SHANK2: variants seen among roughly 807,000 people sequenced by gnomAD.
SHANK2 encodes SH3 and multiple ankyrin repeat domains protein 2.
Under a neutral mutation model 133.7 loss-of-function variants are expected in SHANK2, and 43 were observed. The observed-to-expected ratio is 0.32, with a 90% CI of 0.25 to 0.41. SHANK2 has a LOEUF of 0.41. Ranked by LOEUF, SHANK2 falls within the 10% of genes least tolerant of loss-of-function variation. The pLI is 1.00. For missense variants in SHANK2, 1,994 were observed against 2,235.8 expected (o/e 0.89, Z 2.18); for synonymous variants, 1,017 against 952.8 (o/e 1.07, Z -1.24).
At position 70,507,414 on chromosome 11, in the gene SHANK2, A is replaced by AT. The variant is rs1445167437; in HGVS notation, c.2062-4484dup. ...GCCACAGGTGACTGGTGAGCCCTGTATCAATATAAGCTTCCCAGGCCAGTC... is the reference window on the plus strand; with the variant it reads ...GCCACAGGTGACTGGTGAGCCCTGTATTCAATATAAGCTTCCCAGGCCAGTC... On this transcript the variant is annotated intron_variant, in intron 17 of 25. Coordinates refer to ENST00000601538, the MANE Select transcript of SHANK2 (RefSeq NM_012309.5). 2.0e-5 allele frequency among the ~76,000 whole-genome samples: 3 copies of AT among 152,318 alleles called. No individual in the cohort carries two copies. In the East Asian group the frequency reaches 5.8e-4, roughly 29 times the overall value.
intron 11 of SHANK2, among the ~76,000 whole-genome samples, chr11:70,843,304 G>A (rs1315724110): frequency 1.3e-5 from 2 of 150,378 alleles, no homozygotes; most frequent in Non-Finnish European, 3.0e-5. Flanking sequence ...AGGGTGGGCT[G>A]GGCTGCTATG....
chr11:71,201,173 C>T (rs1954012575), intron 2 of SHANK2, among the ~76,000 whole-genome samples: 1 of 152,208 alleles, frequency 6.6e-6, no homozygotes, highest in Non-Finnish European at 1.5e-5. Context: ...AGATGACATG[C>T]ATTCATTTCC....
chr11:71,094,720 C>T (rs1555095020), intron 6 of SHANK2, 32 bp from the exon 7 acceptor site: 1 of 1,542,450 alleles, frequency 6.5e-7, no homozygotes, highest in Admixed American at 2.0e-5. Flanking sequence ...ACTTTAGAAC[C>T]AACATTTGTC....
At chr11:70,883,375 G>C (rs906290221) in intron 11 of SHANK2, among the ~76,000 whole-genome samples, 5 of 152,234 alleles carry the variant, frequency 3.3e-5, no homozygotes, top group African/African-American at 1.2e-4. Context: ...TGATACCTAC[G>C]GCAGGTATAA....
intron 22 of SHANK2, 53 bp from the exon 23 acceptor site, chr11:70,490,440 C>T (rs1406907434): frequency 1.5e-5 from 22 of 1,452,970 alleles, no homozygotes; most frequent in African/African-American, 5.6e-5. Context: ...CCCCCACCCA[C>T]GGTCACAGGG....
At chr11:70,504,380 G>GTGCCTGGCTCCCCATACT (rs1565078902) in intron 17 of SHANK2, among the ~76,000 whole-genome samples, 29 of 151,866 alleles carry the variant, frequency 1.9e-4, no homozygotes, top group East Asian at 9.8e-4. Flanking sequence ...GACAGGCCCA[G>GTGCCTGGCTCCCCATACT]GATGTGCCAG....
At chr11:70,482,979 G>A (rs1156657236) in intron 25 of SHANK2, among the ~76,000 whole-genome samples, 2 of 152,210 alleles carry the variant, frequency 1.3e-5, no homozygotes, top group African/African-American at 2.4e-5. Context: ...GCCACTCAGG[G>A]AGAGGTCTCC....
chr11:71,204,855 A>C (rs1954097354), intron 2 of SHANK2, among the ~76,000 whole-genome samples: 3 of 152,074 alleles, frequency 2.0e-5, no homozygotes, highest in Admixed American at 2.0e-4. Context: ...TGGCCCATCC[A>C]CAGGATGCTG....
intron 14 of SHANK2, among the ~76,000 whole-genome samples, chr11:70,733,872 A>G (rs1591796585): frequency 6.6e-6 from 1 of 152,208 alleles, no homozygotes; most frequent in East Asian, 1.9e-4. Flanking sequence ...CTCAGCTGCC[A>G]AGGCGGGGAG....
intron 1 of SHANK2, among the ~76,000 whole-genome samples, chr11:71,251,595 G>A (rs1948181001): frequency 6.6e-6 from 1 of 151,496 alleles, no homozygotes; most frequent in African/African-American, 2.4e-5. Context: ...AAAGTTGCCA[G>A]GGAAACTTGA....
At chr11:70,758,875 T>C (rs1555039553) in intron 14 of SHANK2, among the ~76,000 whole-genome samples, 2 of 152,210 alleles carry the variant, frequency 1.3e-5, no homozygotes, top group African/African-American at 2.4e-5. Context: ...AAAAACTGAG[T>C]TCTGGCCGGG....
At chr11:71,189,900 T>A (rs1555115117) in intron 2 of SHANK2, among the ~76,000 whole-genome samples, 1 of 152,176 alleles carries the variant, frequency 6.6e-6, no homozygotes. Context: ...CCCCAGCATC[T>A]GGGGGAGGCT....
chr11:70,900,904 G>C (rs183808163), intron 10 of SHANK2, among the ~76,000 whole-genome samples: 2 of 152,212 alleles, frequency 1.3e-5, no homozygotes, highest in African/African-American at 4.8e-5. Flanking sequence ...CATTGCTGGT[G>C]TCAGGCTGCT....
At chr11:70,595,245 G>A (rs1425542725) in intron 17 of SHANK2, among the ~76,000 whole-genome samples, 2 of 152,180 alleles carry the variant, frequency 1.3e-5, no homozygotes. Context: ...TTTGAAGGGT[G>A]CAGCCCGGCC....
At chr11:71,082,666 G>A (rs1311374257) in intron 8 of SHANK2, among the ~76,000 whole-genome samples, 4 of 152,290 alleles carry the variant, frequency 2.6e-5, no homozygotes, top group East Asian at 1.9e-4. Flanking sequence ...CTGTCCCCTC[G>A]CCGTGGGGCC....
intron 11 of SHANK2, among the ~76,000 whole-genome samples, chr11:70,824,809 G>T (rs892490120): frequency 6.6e-6 from 1 of 152,206 alleles, no homozygotes; most frequent in Non-Finnish European, 1.5e-5. Flanking sequence ...ATTGGAGGGG[G>T]CTGGGCGGGT....
At chr11:70,842,706 G>A (rs7104804) in intron 11 of SHANK2, among the ~76,000 whole-genome samples, 5,714 of 152,264 alleles carry the variant, frequency 0.038, 338 homozygotes, top group African/African-American at 0.13. Context: ...ATGGAACTCG[G>A]CAAGGAAGCT....
intron 17 of SHANK2, among the ~76,000 whole-genome samples, chr11:70,549,312 T>C (rs2059735494): frequency 6.6e-6 from 1 of 152,150 alleles, no homozygotes; most frequent in African/African-American, 2.4e-5. Context: ...CAGACATGGA[T>C]GAGGTGCGGG....
At chr11:70,531,598 T>A (rs1246315043) in intron 17 of SHANK2, among the ~76,000 whole-genome samples, 4 of 152,166 alleles carry the variant, frequency 2.6e-5, no homozygotes, top group Non-Finnish European at 4.4e-5. Context: ...AGGGCTAAGG[T>A]CCCATCTCAG....
Sources: gnomAD v4.1 joint callset for allele counts (sites outside exome capture counted in the v4.1 genomes callset) on GRCh38, gnomAD v4.1.1 for gene constraint, MANE v1.5 for transcripts, NCBI Gene and HGNC (gene_info 2026-07-23, HGNC 2026-07-21) for gene names.